Variants in ATP11B observed in about 807,000 individuals in gnomAD.
ATP11B encodes phospholipid-transporting ATPase IF.
ATP11B carries 81 observed loss-of-function variants against 157.8 expected under a neutral mutation model. The observed-to-expected ratio is 0.51, with a 90% CI of 0.43 to 0.62. ATP11B has a LOEUF of 0.62. ATP11B is among the 20% of genes least tolerant of loss of function. The pLI is 0.00. For synonymous variants in ATP11B, 451 were observed against 469.4 expected, an observed-to-expected ratio of 0.96 and a Z score of 0.51; for missense variants, 1,165 against 1,402.2, an observed-to-expected ratio of 0.83 and a Z score of 2.70.
At chr3:182,899,411 G>A (rs376752029) in intron 28 of ATP11B, among the ~76,000 whole-genome samples, 5 of 151,728 alleles carry the variant, frequency 3.3e-5, no homozygotes, top group South Asian at 2.1e-4. Flanking sequence ...TTGGCCTCCC[G>A]AAGCGCTGGG....
At chr3:182,890,565 C>T (rs192000453) in intron 25 of ATP11B, among the ~76,000 whole-genome samples, 10 of 152,220 alleles carry the variant, frequency 6.6e-5, no homozygotes, top group Admixed American at 4.6e-4. Context: ...AGGCCTTAAC[C>T]TTGCAAAATC....
rs1485516710 is a variant in ATP11B, at chr3:182,819,201, TGGGACTACAG to T, written c.28-1057_28-1048del. On this transcript the variant is annotated intron_variant, in intron 1 of 29. Transcript: ENST00000323116. ...CCGCCATTCTCCTGCTCAGAGTAGC[TGGGACTACAG>T]GCGCCCGCCACCACGCCCGGCTAAT... Among the ~76,000 whole-genome samples, 19 of 151,650 alleles carry T rather than the reference TGGGACTACAG, an allele frequency of 1.3e-4. No homozygotes were observed. In the East Asian group the frequency reaches 3.7e-3, roughly 29 times the overall value.
intron 17 of ATP11B, among the ~76,000 whole-genome samples, chr3:182,871,882 T>C (rs1047976081): frequency 1.3e-5 from 2 of 152,006 alleles, no homozygotes; most frequent in Non-Finnish European, 2.9e-5. Context: ...GTGATGCTAT[T>C]TCGGCTCACT....
At chr3:182,869,380 GA>G (rs1210598132) in intron 17 of ATP11B, 49 bp downstream of exon 17, 2 of 1,215,340 alleles carry the variant, frequency 1.6e-6, no homozygotes, top group East Asian at 5.2e-5. Flanking sequence ...ATATATTTAT[GA>G]AATATTTTGG....
intron 29 of ATP11B, chr3:182,916,913 T>G (rs1402690039): frequency 1.0e-6 from 1 of 982,280 alleles, no homozygotes; most frequent in African/African-American, 1.7e-5. Flanking sequence ...ACTTACTCTT[T>G]AAGAAATTTT....
Position 182,913,847 on chromosome 3 carries a change from T to C in ATP11B, c.3319-14T>C, listed in dbSNP as rs564081116. On this transcript the variant is annotated splice_polypyrimidine_tract_variant and intron_variant, in intron 28 of 29. Transcript: ENST00000323116. ...TCTTTAAACAACTGATGTTTTCTGCTTCACCTCCCGCAGCTTACTGAAACA... is the reference window on the plus strand; with the variant it reads ...TCTTTAAACAACTGATGTTTTCTGCCTCACCTCCCGCAGCTTACTGAAACA... The C allele has an allele frequency of 3.8e-5, 61 of 1,614,056 alleles. 2 individuals carry two copies. In the South Asian group the frequency reaches 6.6e-4, roughly 17 times the overall value.
At chr3:182,901,715 C>T (rs568390246) in intron 28 of ATP11B, among the ~76,000 whole-genome samples, 2 of 152,154 alleles carry the variant, frequency 1.3e-5, no homozygotes, top group South Asian at 4.2e-4. Context: ...GTTACCTTTC[C>T]TATAGCCTCT....
chr3:182,841,844 T>A (rs1265890950), intron 7 of ATP11B, among the ~76,000 whole-genome samples: 2 of 151,426 alleles, frequency 1.3e-5, no homozygotes, highest in East Asian at 1.9e-4. Flanking sequence ...CCAGGTGTGG[T>A]GGCGGGCACG....
In ATP11B at chr3:182,863,872, A is replaced by G. The variant is rs1352057212; in HGVS notation, c.1201-1584A>G. On this transcript the variant is annotated intron_variant, in intron 12 of 29. Coordinates refer to ENST00000323116, the MANE Select transcript of ATP11B (RefSeq NM_014616.3). ...CTAATGTATCTTATATATTTTCTGT[A>G]TAACTCATCCCTCATTCTTCCTGAT... Among the ~76,000 whole-genome samples, 3 of 151,922 alleles carry G rather than the reference A, an allele frequency of 2.0e-5. 1 individual carries two copies. Among genetic ancestry groups the G allele is most frequent in the East Asian group, 3.9e-4 (2 of 5,186 alleles).
At chr3:182,916,834 G>C (rs977201843) in intron 29 of ATP11B, 1 of 984,112 alleles carries the variant, frequency 1.0e-6, no homozygotes, top group Admixed American at 6.2e-5. Context: ...TCTGACTCCG[G>C]ATAATTGGAG....
intron 29 of ATP11B, chr3:182,916,519 C>CTA: frequency 2.0e-6 from 2 of 985,202 alleles, no homozygotes; most frequent in Non-Finnish European, 2.4e-6. Context: ...CATCATGGTG[C>CTA]TATATAAAGA....
intron 28 of ATP11B, among the ~76,000 whole-genome samples, chr3:182,906,289 G>C (rs997603983): frequency 1.3e-5 from 2 of 152,260 alleles, no homozygotes; most frequent in South Asian, 4.1e-4. Context: ...CCTTGAAGTT[G>C]TAGTTGTGTA....
At chr3:182,833,299 A>AG (rs1718291256) in intron 4 of ATP11B, among the ~76,000 whole-genome samples, 1 of 152,104 alleles carries the variant, frequency 6.6e-6, no homozygotes. Context: ...AAACTGAAAA[A>AG]TTTGTGTTCT....
intron 25 of ATP11B, among the ~76,000 whole-genome samples, chr3:182,891,298 C>CT (rs1242121871): frequency 9.2e-5 from 14 of 152,168 alleles, no homozygotes; most frequent in African/African-American, 2.4e-4. Context: ...CTAGTCACTA[C>CT]TTTTTTTAAT....
chr3:182,868,943 T>C (rs946126980), intron 15 of ATP11B, 135 bp from the exon 16 acceptor site: 4 of 582,350 alleles, frequency 6.9e-6, no homozygotes, highest in Non-Finnish European at 9.0e-6. Flanking sequence ...GCATGTAACC[T>C]ATCATCATGA....
Position 182,921,243 on chromosome 3 carries a change from C to T in ATP11B, c.*3139C>T, listed in dbSNP as rs985704131. 3 of 152,114 alleles carry T rather than the reference C, an allele frequency of 2.0e-5. No homozygotes were observed. The highest frequency in any genetic ancestry group is 4.4e-5 in the Non-Finnish European group (3 of 68,022). 9.4% of individuals were successfully genotyped at this position (152,114 alleles called of 1,614,324 possible). On this transcript the variant is annotated 3_prime_UTR_variant, in exon 30 of 30. Transcript: ENST00000323116. ...ATAAAAATAACACACCAAAGAGTTA[C>T]GTAAAACATGTTTTATTAATTTTGG...
At chr3:182,827,899 T>C (rs774561304) in intron 2 of ATP11B, among the ~76,000 whole-genome samples, 2 of 151,802 alleles carry the variant, frequency 1.3e-5, no homozygotes, top group Non-Finnish European at 2.9e-5. Context: ...ATTCCATTTT[T>C]CAAAATTAAG....
intron 12 of ATP11B, among the ~76,000 whole-genome samples, chr3:182,859,961 T>G (rs1577035589): frequency 6.6e-6 from 1 of 151,820 alleles, no homozygotes; most frequent in African/African-American, 2.4e-5. Context: ...TTTTTTTTTT[T>G]TGGTAGCAAT....
intron 11 of ATP11B, among the ~76,000 whole-genome samples, chr3:182,858,361 A>G (rs902754457): frequency 2.0e-5 from 3 of 152,210 alleles, no homozygotes; most frequent in African/African-American, 7.2e-5. Context: ...AAATGAATCA[A>G]AGAGTAAATG....
Sources: allele counts gnomAD v4.1 joint callset (sites outside exome capture counted in the v4.1 genomes callset), GRCh38; gene constraint gnomAD v4.1.1; transcripts MANE v1.5; gene names NCBI Gene and HGNC (gene_info 2026-07-23, HGNC 2026-07-21).